Variants in CUBN observed in about 807,000 individuals in gnomAD.
CUBN encodes 460 kDa receptor.
In CUBN, 282 loss-of-function variants were observed where a neutral mutation model predicts 405.3. The ratio of observed to expected loss-of-function variants is 0.70; its 90% CI spans 0.63 to 0.77. The LOEUF (loss-of-function observed/expected upper bound fraction) is 0.77. Ranked by LOEUF, CUBN falls within the 30% of genes least tolerant of loss-of-function variation. The pLI, the probability that CUBN is intolerant of heterozygous loss-of-function variation, is 0.00. For missense variants in CUBN, 4,514 were observed against 4,475.2 expected (o/e 1.01, Z -0.25); for synonymous variants, 1,684 against 1,617.0 (o/e 1.04, Z -0.99).
intron 59 of CUBN, among the ~76,000 whole-genome samples, chr10:16,865,328 G>A (rs1051538371): frequency 3.3e-5 from 5 of 152,186 alleles, no homozygotes; most frequent in Admixed American, 2.0e-4. Flanking sequence ...TGTTATATAT[G>A]TGCTTGGGTA....
intron 17 of CUBN, among the ~76,000 whole-genome samples, chr10:17,076,242 T>C (rs1005319789): frequency 6.6e-6 from 1 of 152,184 alleles, no homozygotes; most frequent in Non-Finnish European, 1.5e-5. Flanking sequence ...TCAAGGGCCC[T>C]GAACCTAGAA....
At chr10:16,952,233 C>G in intron 33 of CUBN, 43 bp downstream of exon 33, 11 of 1,417,264 alleles carry the variant, frequency 7.8e-6, no homozygotes, top group Non-Finnish European at 1.1e-5. Flanking sequence ...CCACAGACAC[C>G]TTCTCTCCTG....
At chr10:17,076,793 G>C (rs1442074035) in intron 17 of CUBN, among the ~76,000 whole-genome samples, 1 of 152,156 alleles carries the variant, frequency 6.6e-6, no homozygotes, top group African/African-American at 2.4e-5. Context: ...TCTAGAGCCT[G>C]GGTCTCAGGA....
At chr10:17,109,607 T>C (rs569563092) in intron 10 of CUBN, 33 bp downstream of exon 10, 1 of 1,540,804 alleles carries the variant, frequency 6.5e-7, no homozygotes, top group South Asian at 1.1e-5. Flanking sequence ...CATATTACAA[T>C]ACCCAAAGCC....
At chr10:16,933,364 A>G (rs1842416097) in intron 39 of CUBN, 80 bp from the exon 40 acceptor site, 1 of 1,289,200 alleles carries the variant, frequency 7.8e-7, no homozygotes. Flanking sequence ...TGAAAGTGAC[A>G]GCCCTCTACT....
intron 2 of CUBN, among the ~76,000 whole-genome samples, chr10:17,128,711 C>A (rs916439692): frequency 6.6e-6 from 1 of 152,090 alleles, no homozygotes; most frequent in African/African-American, 2.4e-5. Flanking sequence ...ATGTCTGATG[C>A]CCAATTATGT....
intron 28 of CUBN, among the ~76,000 whole-genome samples, chr10:17,013,744 G>T (rs1480640485): frequency 6.6e-6 from 1 of 152,170 alleles, no homozygotes; most frequent in Non-Finnish European, 1.5e-5. Context: ...TCGAGTAAGT[G>T]CCACTAGTTC....
At position 17,043,932 on chromosome 10, in the gene CUBN, C is replaced by T. The variant is rs764813467; in HGVS notation, c.3724G>A (p.Asp1242Asn). The change falls in exon 26 of 67, where the codon GAT becomes AAT. Residue 1242 changes from aspartate to asparagine, a missense_variant. By Grantham distance (23) the Asp-to-Asn change is conservative. Around this residue, in one of 5 missense-constraint regions of CUBN, gnomAD observed 242 missense variants for 309.0 expected, o/e 0.78. Coordinates refer to ENST00000377833, the MANE Select transcript of CUBN (RefSeq NM_001081.4). Reference protein sequence around the residue: ...NSHLLTQLCGDEKPPLIRSSG... With the variant: ...NSHLLTQLCGNEKPPLIRSSG... ...GAACGAATAAGAGGGGGTTTCTCATCCCCACAAAGCTGAGTTAGCAGATGA... is the reference window on the plus strand; with the variant it reads ...GAACGAATAAGAGGGGGTTTCTCATTCCCACAAAGCTGAGTTAGCAGATGA... 6.2e-7 allele frequency: 1 copy of T among 1,613,592 alleles called. No homozygotes were observed. The highest frequency in any genetic ancestry group is 8.5e-7 in the Non-Finnish European group (1 of 1,179,738).
At chr10:17,042,608 A>C (rs1396486428) in intron 26 of CUBN, among the ~76,000 whole-genome samples, 2 of 152,194 alleles carry the variant, frequency 1.3e-5, no homozygotes, top group African/African-American at 4.8e-5. Context: ...TAATAAAATT[A>C]GATAAATGAT....
chr10:17,124,935 G>A (rs12260566), intron 4 of CUBN, among the ~76,000 whole-genome samples: 10,786 of 151,118 alleles, frequency 0.071, 607 homozygotes, highest in East Asian at 0.18. Context: ...GGGTTGAAGC[G>A]ATTCTCATGC....
Position 17,110,958 on chromosome 10 carries a change from TCA to T in CUBN, c.974_975del (p.Val325GlufsTer18). 1 of 1,614,192 alleles carries T rather than the reference TCA, an allele frequency of 6.2e-7. No individual in the cohort carries two copies. Among genetic ancestry groups the T allele is most frequent in the Non-Finnish European group, 8.5e-7 (1 of 1,180,034 alleles). ...TGGCAGTGGGAAGACCCAGGTGTAT[TCA>T]CACACTCAACGGGTGGAGCCACAGA... ...GCSVAPPVEC[V>X]NTPGSSHCQA... On this transcript the variant is annotated frameshift_variant, in exon 9 of 67. Coordinates refer to ENST00000377833, the MANE Select transcript of CUBN (RefSeq NM_001081.4). LOFTEE classifies it high-confidence loss of function.
At chr10:16,923,104 C>A (rs1842084713) in intron 43 of CUBN, among the ~76,000 whole-genome samples, 4 of 152,060 alleles carry the variant, frequency 2.6e-5, no homozygotes, top group Admixed American at 2.6e-4. Context: ...TCTCAAAGTG[C>A]TGGGATTACA....
At chr10:17,095,467 A>G (rs1367969625) in intron 14 of CUBN, among the ~76,000 whole-genome samples, 1 of 152,118 alleles carries the variant, frequency 6.6e-6, no homozygotes, top group East Asian at 1.9e-4. Context: ...ATTTCTGAAT[A>G]GAAAACATAT....
Position 16,876,926 on chromosome 10 carries a change from A to G in CUBN, c.9077T>C (p.Phe3026Ser). The change falls in exon 57 of 67, where the codon TTC becomes TCC. Residue 3026 changes from phenylalanine to serine, a missense_variant. Coordinates refer to ENST00000377833, the MANE Select transcript of CUBN (RefSeq NM_001081.4). ...TATCCTATAGGAAAACTTGAATCCG[A>G]AGTCTGTGATTTGCTCGTTGGAGTA... ...NFYSNEQITD[F>S]GFKFSYRIIS... is the part of the protein sequence containing the mutation. The G allele has an allele frequency of 6.2e-7, 1 of 1,614,150 alleles. No individual in the cohort carries two copies. The highest frequency in any genetic ancestry group is 1.1e-5 in the South Asian group (1 of 91,086).
At chr10:16,868,464 T>C (rs937273763) in intron 59 of CUBN, among the ~76,000 whole-genome samples, 11 of 152,136 alleles carry the variant, frequency 7.2e-5, no homozygotes, top group African/African-American at 2.7e-4. Flanking sequence ...TCACAGAGTA[T>C]GAGATTTGTT....
At chr10:16,940,621 A>C (rs1842627303) in intron 36 of CUBN, among the ~76,000 whole-genome samples, 1 of 152,178 alleles carries the variant, frequency 6.6e-6, no homozygotes, top group Non-Finnish European at 1.5e-5. Context: ...AGACTTTTTG[A>C]GATGGAAATA....
At chr10:16,901,918 TACACACAC>T (rs1554790402) in intron 51 of CUBN, among the ~76,000 whole-genome samples, 3 of 109,906 alleles carry the variant, frequency 2.7e-5, no homozygotes, top group Non-Finnish European at 5.2e-5. Context: ...TATATATATA[TACACACAC>T]ACACACACAC....
chr10:16,892,663 T>C (rs918929757), intron 54 of CUBN, among the ~76,000 whole-genome samples: 12 of 151,966 alleles, frequency 7.9e-5, no homozygotes, highest in Non-Finnish European at 1.6e-4. Context: ...GGCTAGTTTT[T>C]TGTATTTTTT....
At chr10:17,020,092 TA>T (rs1834450663) in intron 27 of CUBN, 109 bp from the exon 28 acceptor site, 2 of 1,223,154 alleles carry the variant, frequency 1.6e-6, no homozygotes, top group East Asian at 4.7e-5. Flanking sequence ...AAGTTAGAGG[TA>T]AATCTGCTGA....
Sources: gnomAD v4.1 joint callset for allele counts (sites outside exome capture counted in the v4.1 genomes callset) on GRCh38, gnomAD v4.1.1 for gene constraint, gnomAD v4.1.1 regional missense constraint, MANE v1.5 for transcripts, NCBI Gene and HGNC (gene_info 2026-07-23, HGNC 2026-07-21) for gene names.